Variants in SAMD5 observed in about 807,000 individuals in gnomAD.
SAMD5 encodes sterile alpha motif domain-containing protein 5.
SAMD5 carries 13 observed loss-of-function variants against 11.3 expected under a neutral mutation model. That is an observed-to-expected ratio of 1.15 (90% CI 0.75 to 1.83). The LOEUF (loss-of-function observed/expected upper bound fraction) is 1.83. Among genes scored for constraint, SAMD5 ranks in the 40% most tolerant of loss-of-function variants. The pLI, the probability that SAMD5 is intolerant of heterozygous loss-of-function variation, is 0.00. For synonymous variants in SAMD5, 129 were observed against 111.3 expected, an observed-to-expected ratio of 1.16 and a Z score of -1.00; for missense variants, 255 against 239.1, an observed-to-expected ratio of 1.07 and a Z score of -0.44.
intron 1 of SAMD5, among the ~76,000 whole-genome samples, chr6:147,579,226 G>T (rs1280545114): frequency 1.3e-5 from 2 of 152,188 alleles, no homozygotes; most frequent in Non-Finnish European, 1.5e-5. Flanking sequence ...TGGCACCAGT[G>T]TCAAATAAAT....
At chr6:147,950,583 TG>T in the SAMD5 span, among the ~76,000 whole-genome samples, 3 of 152,178 alleles carry the variant, frequency 2.0e-5, no homozygotes, top group African/African-American at 7.2e-5. Flanking sequence ...CAGTTCATGC[TG>T]GGAAGTTCAC....
intron 1 of SAMD5, among the ~76,000 whole-genome samples, chr6:147,551,460 A>G (rs998205103): frequency 6.6e-6 from 1 of 152,114 alleles, no homozygotes. Context: ...ATGCTCTTAA[A>G]TGAACCATGA....
the SAMD5 span, among the ~76,000 whole-genome samples, chr6:147,759,186 G>A: frequency 1.3e-5 from 2 of 152,170 alleles, no homozygotes; most frequent in African/African-American, 2.4e-5. Context: ...ATGTTTGCAT[G>A]CCTCTGAGTG....
chr6:147,662,467 T>A (rs1397153176), intron 1 of SAMD5, among the ~76,000 whole-genome samples: 2 of 152,218 alleles, frequency 1.3e-5, no homozygotes, highest in Non-Finnish European at 2.9e-5. Flanking sequence ...CTGATTTCCA[T>A]TTCAATATGT....
the SAMD5 span, among the ~76,000 whole-genome samples, chr6:147,878,984 T>C: frequency 3.3e-5 from 5 of 152,230 alleles, no homozygotes; most frequent in African/African-American, 7.2e-5. Flanking sequence ...TGATATTCCA[T>C]TGAGCATTTG....
the SAMD5 span, among the ~76,000 whole-genome samples, chr6:147,941,568 G>T: frequency 6.6e-6 from 1 of 152,030 alleles, no homozygotes; most frequent in South Asian, 2.1e-4. Context: ...TAGGGGTACC[G>T]TATCTGTTTA....
At chr6:147,799,273 A>G in the SAMD5 span, among the ~76,000 whole-genome samples, 3 of 152,070 alleles carry the variant, frequency 2.0e-5, no homozygotes, top group Admixed American at 6.6e-5. Context: ...GGTGGTGACA[A>G]AATCTCTCAG....
At chr6:147,935,835 T>C in the SAMD5 span, among the ~76,000 whole-genome samples, 3 of 152,196 alleles carry the variant, frequency 2.0e-5, no homozygotes, top group African/African-American at 4.8e-5. Context: ...CCTGTGCAAT[T>C]ATGTCTCACA....
At chr6:147,867,627 T>G in the SAMD5 span, among the ~76,000 whole-genome samples, 1 of 152,324 alleles carries the variant, frequency 6.6e-6, no homozygotes, top group Admixed American at 6.5e-5. Context: ...AGGGGTCTCC[T>G]TTCTATTGCC....
At chr6:147,633,619 C>T (rs1443874777) in intron 1 of SAMD5, among the ~76,000 whole-genome samples, 1 of 151,626 alleles carries the variant, frequency 6.6e-6, no homozygotes, top group Non-Finnish European at 1.5e-5. Context: ...CAACATACAA[C>T]ATACAACAGC....
chr6:147,566,540 G>T lies in SAMD5; in HGVS notation c.*2084G>T. 1 of 984,670 alleles carries T rather than the reference G, an allele frequency of 1.0e-6. No individual in the cohort carries two copies. Among genetic ancestry groups the T allele is most frequent in the Non-Finnish European group, 1.2e-6 (1 of 828,928 alleles). 61.0% of individuals were successfully genotyped at this position (984,670 alleles called of 1,614,324 possible). A position where few individuals can be genotyped will look rare whatever the true frequency, so the allele number is the denominator to read the frequency against. On this transcript the variant is annotated 3_prime_UTR_variant, in exon 2 of 2. Coordinates refer to ENST00000367474, the MANE Select transcript of SAMD5 (RefSeq NM_001030060.3). Reference sequence around the variant, plus strand: ...TTATTTTCACTGTGGGCCTTATGAGGCAATCTACTGCAATGGAAAAAGGGT... The same window carrying T: ...TTATTTTCACTGTGGGCCTTATGAGTCAATCTACTGCAATGGAAAAAGGGT...
chr6:147,874,678 G>T, the SAMD5 span, among the ~76,000 whole-genome samples: 1 of 78,322 alleles, frequency 1.3e-5, no homozygotes, highest in Non-Finnish European at 3.3e-5. Flanking sequence ...CTGTGAAGAG[G>T]ATCTCTGTGC....
the SAMD5 span, among the ~76,000 whole-genome samples, chr6:147,912,546 C>T: frequency 1.3e-5 from 2 of 152,220 alleles, no homozygotes; most frequent in Non-Finnish European, 2.9e-5. Context: ...CATTATCCTT[C>T]AATCTAGCAG....
the SAMD5 span, among the ~76,000 whole-genome samples, chr6:147,944,116 C>A: frequency 1.3e-5 from 2 of 152,132 alleles, no homozygotes; most frequent in African/African-American, 4.8e-5. Flanking sequence ...ATCCAATTTT[C>A]CCTCCCCCTC....
chr6:147,639,100 T>C (rs1469638068), intron 1 of SAMD5, among the ~76,000 whole-genome samples: 3 of 152,130 alleles, frequency 2.0e-5, no homozygotes, highest in Non-Finnish European at 4.4e-5. Context: ...AAACTGCAAA[T>C]TGCGAGTACT....
the SAMD5 span, among the ~76,000 whole-genome samples, chr6:147,794,478 A>G: frequency 6.6e-6 from 1 of 152,200 alleles, no homozygotes; most frequent in African/African-American, 2.4e-5. Context: ...AGACTTCCAT[A>G]TAAATGCATT....
chr6:147,682,523 G>A (rs1238774123), intron 1 of SAMD5, among the ~76,000 whole-genome samples: 1 of 152,092 alleles, frequency 6.6e-6, no homozygotes, highest in African/African-American at 2.4e-5. Flanking sequence ...TGCCATACTT[G>A]CCTAAATTTA....
chr6:147,536,046 C>T (rs1244179277), intron 1 of SAMD5, among the ~76,000 whole-genome samples: 6 of 151,808 alleles, frequency 4.0e-5, no homozygotes, highest in Admixed American at 2.6e-4. Flanking sequence ...TGCAGTGGCA[C>T]GATCTCGACT....
intron 1 of SAMD5, among the ~76,000 whole-genome samples, chr6:147,590,855 G>T (rs1317997737): frequency 3.3e-5 from 5 of 152,188 alleles, no homozygotes; most frequent in Non-Finnish European, 7.3e-5. Flanking sequence ...CTGTTTTCCT[G>T]TAAGAAGTAA....
Sources: gnomAD v4.1 joint callset for allele counts (sites outside exome capture counted in the v4.1 genomes callset) on GRCh38, gnomAD v4.1.1 for gene constraint, MANE v1.5 for transcripts, NCBI Gene and HGNC (gene_info 2026-07-23, HGNC 2026-07-21) for gene names.